The following IGSF11 variants were observed in gnomAD, a reference collection of about 807,000 sequenced individuals.
The protein encoded by IGSF11 is immunoglobulin superfamily member 11.
Under a neutral mutation model 41.0 loss-of-function variants are expected in IGSF11, and 22 were observed. The ratio of observed to expected loss-of-function variants is 0.54; its 90% confidence interval spans 0.38 to 0.77. The LOEUF (loss-of-function observed/expected upper bound fraction) is 0.77, where lower values mean the gene tolerates loss of function less well. Ranked by LOEUF, IGSF11 falls within the 30% of genes least tolerant of loss-of-function variation. IGSF11 has a pLI of 0.00. For missense variants in IGSF11, 444 were observed against 530.8 expected (o/e 0.84, Z 1.61); for synonymous variants, 219 against 201.3 (o/e 1.09, Z -0.74).
At chr3:118,966,303 T>C (rs1002630971) in intron 1 of IGSF11, among the ~76,000 whole-genome samples, 2 of 152,140 alleles carry the variant, frequency 1.3e-5, no homozygotes, top group African/African-American at 4.8e-5. Context: ...ATTTCATAGA[T>C]GAAGAAACAG....
intron 1 of IGSF11, among the ~76,000 whole-genome samples, chr3:118,930,477 T>C (rs771040516): frequency 2.0e-5 from 3 of 152,148 alleles, no homozygotes; most frequent in Admixed American, 6.5e-5. Flanking sequence ...AAAACTACAA[T>C]AGAAAAATAT....
rs1339107964 is a variant in IGSF11, at chr3:118,902,021, G to T, written c.*499C>A. ...ATTATATGATAGAAGAGTCAGCCCT[G>T]TTGGGACCAATATTAACCATTTATA... On this transcript the variant is annotated 3_prime_UTR_variant, in exon 7 of 7. Transcript: ENST00000393775. 6.5e-6 allele frequency: 1 copy of T among 153,302 alleles called. No homozygotes were observed. The highest frequency in any genetic ancestry group is 2.4e-5 in the African/African-American group (1 of 41,442). The allele number at this position is 153,302 out of a possible 1,614,324, so 9.5% of individuals were successfully genotyped here.
At chr3:118,962,482 A>C (rs1453392808) in intron 1 of IGSF11, among the ~76,000 whole-genome samples, 1 of 152,142 alleles carries the variant, frequency 6.6e-6, no homozygotes, top group Non-Finnish European at 1.5e-5. Context: ...GTTGTCAAGC[A>C]CTCTGGAGAG....
At chr3:119,085,408 C>A (rs553972364) in intron 1 of IGSF11, among the ~76,000 whole-genome samples, 1 of 152,302 alleles carries the variant, frequency 6.6e-6, no homozygotes, top group South Asian at 2.1e-4. Flanking sequence ...CAAATTTACA[C>A]CACAGTTAAG....
At chr3:119,074,211 T>C (rs1267709187) in intron 1 of IGSF11, among the ~76,000 whole-genome samples, 1 of 152,060 alleles carries the variant, frequency 6.6e-6, no homozygotes, top group Non-Finnish European at 1.5e-5. Flanking sequence ...CAACAGAATA[T>C]ACATTCTCAT....
intron 1 of IGSF11, among the ~76,000 whole-genome samples, chr3:118,975,969 G>A (rs1480727165): frequency 6.6e-6 from 1 of 151,896 alleles, no homozygotes; most frequent in Admixed American, 6.6e-5. Context: ...CAGTGTCACA[G>A]GATATATCCA....
chr3:118,984,161 T>C (rs1935021247), intron 1 of IGSF11, among the ~76,000 whole-genome samples: 1 of 148,152 alleles, frequency 6.7e-6, no homozygotes, highest in African/African-American at 2.6e-5. Context: ...GGCTTTGTAA[T>C]TTCTGAAATT....
At chr3:119,003,483 T>A (rs1937122375) in intron 1 of IGSF11, among the ~76,000 whole-genome samples, 1 of 151,040 alleles carries the variant, frequency 6.6e-6, no homozygotes, top group African/African-American at 2.5e-5. Flanking sequence ...CCTGCCTGAT[T>A]GCCCTGGCCA....
At chr3:118,998,505 G>A (rs1312140810) in intron 1 of IGSF11, among the ~76,000 whole-genome samples, 2 of 150,724 alleles carry the variant, frequency 1.3e-5, no homozygotes, top group African/African-American at 4.9e-5. Context: ...TGAAAACGCA[G>A]CAAACATAAC....
chr3:119,086,117 G>A (rs926824051), intron 1 of IGSF11, among the ~76,000 whole-genome samples: 1 of 152,128 alleles, frequency 6.6e-6, no homozygotes, highest in Admixed American at 6.5e-5. Flanking sequence ...AGTGTGAATC[G>A]GCCTTATGTT....
chr3:118,973,179 G>C (rs1576522708), intron 1 of IGSF11, among the ~76,000 whole-genome samples: 6 of 152,168 alleles, frequency 3.9e-5, no homozygotes, highest in Admixed American at 3.9e-4. Flanking sequence ...TATGTATACA[G>C]AAGCCAGGCC....
chr3:119,004,195 A>G (rs1258896435), intron 1 of IGSF11, among the ~76,000 whole-genome samples: 3 of 148,430 alleles, frequency 2.0e-5, no homozygotes, highest in African/African-American at 7.6e-5. Flanking sequence ...GTCTTGGGAG[A>G]GTGTATGTGT....
chr3:119,033,798 C>A (rs1940643835), intron 1 of IGSF11, among the ~76,000 whole-genome samples: 1 of 152,102 alleles, frequency 6.6e-6, no homozygotes, highest in Non-Finnish European at 1.5e-5. Flanking sequence ...GGATGAAAAT[C>A]AGGATCTAAA....
intron 1 of IGSF11, among the ~76,000 whole-genome samples, chr3:119,124,019 C>CTAAAT (rs2077366882): frequency 2.0e-5 from 3 of 152,212 alleles, no homozygotes; most frequent in Non-Finnish European, 4.4e-5. Context: ...CTAAATAAGG[C>CTAAAT]ACCAGGGACC....
chr3:119,143,049 C>T (rs2107551525), intron 1 of IGSF11, among the ~76,000 whole-genome samples: 1 of 152,140 alleles, frequency 6.6e-6, no homozygotes, highest in African/African-American at 2.4e-5. Flanking sequence ...ATAAACAAAT[C>T]CTAAGTTCAT....
intron 1 of IGSF11, among the ~76,000 whole-genome samples, chr3:119,058,586 A>G (rs1294215254): frequency 1.3e-5 from 2 of 152,236 alleles, no homozygotes; most frequent in Non-Finnish European, 2.9e-5. Context: ...GGGATCTACA[A>G]CTGGAAATAC....
chr3:119,059,008 A>T (rs913126033), intron 1 of IGSF11, among the ~76,000 whole-genome samples: 1 of 151,836 alleles, frequency 6.6e-6, no homozygotes, highest in Non-Finnish European at 1.5e-5. Context: ...TAGCATTAGG[A>T]GATATACCTA....
rs565840504 is a variant in IGSF11, at chr3:119,066,756, C to T, written c.49+38388G>A. On this transcript the variant is annotated intron_variant, in intron 1 of 6. Transcript: ENST00000354673. ...TTGTTCTTTCGATCCTTTTGTCTTG[C>T]CATGCTTCAACTTGGGTATTTTCTC... Among the ~76,000 whole-genome samples the T allele has an allele frequency of 8.5e-5, 13 of 152,252 alleles. No individual in the cohort carries two copies. The South Asian group carries it at 2.7e-3, about 32-fold the overall frequency.
intron 1 of IGSF11, among the ~76,000 whole-genome samples, chr3:118,960,587 A>G (rs1185536343): frequency 6.6e-6 from 1 of 152,204 alleles, no homozygotes; most frequent in Non-Finnish European, 1.5e-5. Context: ...CCTAGCTACA[A>G]CATATACAAT....
Sources: allele counts gnomAD v4.1 joint callset (sites outside exome capture counted in the v4.1 genomes callset), GRCh38; gene constraint gnomAD v4.1.1; transcripts MANE v1.5; gene names NCBI Gene and HGNC (gene_info 2026-07-23, HGNC 2026-07-21).